PCID2: variants seen among roughly 807,000 people sequenced by gnomAD.
The protein encoded by PCID2 is PCI domain-containing protein 2.
In PCID2, 41 loss-of-function variants were observed where a neutral mutation model predicts 61.3. The ratio of observed to expected loss-of-function variants is 0.67; its 90% CI spans 0.52 to 0.87. The LOEUF (loss-of-function observed/expected upper bound fraction) is 0.87, where lower values mean the gene tolerates loss of function less well. PCID2 is among the 40% of genes least tolerant of loss of function. The pLI, the probability that PCID2 is intolerant of heterozygous loss-of-function variation, is 0.00. For synonymous variants in PCID2, 187 were observed against 177.8 expected, an observed-to-expected ratio of 1.05 and a Z score of -0.41; for missense variants, 392 against 493.4, an observed-to-expected ratio of 0.79 and a Z score of 1.95.
intron 2 of PCID2, among the ~76,000 whole-genome samples, chr13:113,198,647 G>A (rs2039197474): frequency 6.6e-6 from 1 of 152,236 alleles, no homozygotes; most frequent in Admixed American, 6.5e-5. Context: ...GGAGGTTGTA[G>A]TAAGCCAAGA....
At chr13:113,200,025 C>T (rs1341658445) in intron 2 of PCID2, among the ~76,000 whole-genome samples, 3 of 152,222 alleles carry the variant, frequency 2.0e-5, no homozygotes, top group Non-Finnish European at 4.4e-5. Flanking sequence ...GACATGGAAA[C>T]TCCATGTACA....
chr13:113,183,706 A>T, intron 9 of PCID2: 2 of 947,738 alleles, frequency 2.1e-6, no homozygotes, highest in Non-Finnish European at 2.5e-6. Context: ...AGCACAAGAG[A>T]AGAGATCACC....
Position 113,208,595 on chromosome 13 carries a change from C to A in PCID2, c.36+4G>T. On this transcript the variant is annotated splice_donor_region_variant and intron_variant, in intron 1 of 13. Transcript: ENST00000337344. ...CCGCCGCGCGCTCCCCGGCTAGGAC[C>A]CACCTGCTGCAGGTACTGGTTAATG... 6.2e-7 allele frequency: 1 copy of A among 1,605,794 alleles called. No homozygotes were observed. The highest frequency in any genetic ancestry group is 1.1e-5 in the South Asian group (1 of 90,178).
intron 7 of PCID2, chr13:113,187,018 C>T (rs762571969): frequency 1.3e-5 from 2 of 152,196 alleles, no homozygotes; most frequent in African/African-American, 4.8e-5. Flanking sequence ...TTTATAACTG[C>T]CTGTGAGCTG....
At chr13:113,167,181 A>C in the PCID2 span, among the ~76,000 whole-genome samples, 1 of 152,202 alleles carries the variant, frequency 6.6e-6, no homozygotes, top group African/African-American at 2.4e-5. Context: ...AGTATCACTA[A>C]AAGTCTGGCA....
intron 4 of PCID2, among the ~76,000 whole-genome samples, 171 bp from the exon 5 acceptor site, chr13:113,196,393 T>C (rs1032209305): frequency 2.0e-5 from 3 of 152,254 alleles, no homozygotes; most frequent in African/African-American, 7.2e-5. Context: ...ATTACAAATA[T>C]CTGTATCTCA....
intron 9 of PCID2, 42 bp from the exon 10 acceptor site, chr13:113,181,272 C>T (rs766352964): frequency 8.2e-7 from 1 of 1,220,620 alleles, no homozygotes; most frequent in Non-Finnish European, 1.2e-6. Flanking sequence ...ACCAACGCAC[C>T]TGCTTCAGGC....
At chr13:113,206,509 A>G (rs1190762626) in intron 1 of PCID2, among the ~76,000 whole-genome samples, 3 of 152,222 alleles carry the variant, frequency 2.0e-5, no homozygotes, top group African/African-American at 7.2e-5. Flanking sequence ...AGGAGGAGTC[A>G]ATGATTTCCC....
Position 113,179,436 on chromosome 13 carries a change from C to T in PCID2, c.987-347G>A, listed in dbSNP as rs552345283. ...TCCCTACTGTTTGTGACGTGCTACC[C>T]ACAGCTCTATACAAAGTTGGCCTTT... is the stretch of plus-strand genomic sequence containing the variant. On this transcript the variant is annotated intron_variant, in intron 12 of 13. Coordinates refer to ENST00000337344, the MANE Select transcript of PCID2 (RefSeq NM_001127202.4). This position sits in a 1 kb window ranked among gnomAD's most constrained non-coding sequence, Gnocchi z 4.3. 1.9e-3 allele frequency among the ~76,000 whole-genome samples: 286 copies of T among 152,232 alleles called. 1 individual carries two copies. The highest frequency in any genetic ancestry group is 3.2e-3 in the Non-Finnish European group (217 of 68,020).
downstream of PCID2, among the ~76,000 whole-genome samples, chr13:113,174,088 C>A (rs566991044): frequency 3.3e-5 from 5 of 151,052 alleles, no homozygotes; most frequent in East Asian, 1.9e-4. Context: ...AAAAAAAAAT[C>A]TTTGCCAAGC....
chr13:113,200,799 A>G, intron 1 of PCID2: 2 of 279,676 alleles, frequency 7.2e-6, no homozygotes, highest in Middle Eastern at 2.5e-3. Flanking sequence ...ATTTCAAAAT[A>G]GGTTGTTCCT....
chr13:113,185,358 A>G (rs2038015094), intron 8 of PCID2, 127 bp downstream of exon 8: 1 of 697,636 alleles, frequency 1.4e-6, no homozygotes, highest in Non-Finnish European at 2.6e-6. Flanking sequence ...TGCTATTAGG[A>G]CTAGGAATAC....
chr13:113,189,489 G>T (rs1030998441), intron 7 of PCID2, among the ~76,000 whole-genome samples: 2 of 151,902 alleles, frequency 1.3e-5, no homozygotes, highest in African/African-American at 4.8e-5. Context: ...ATAGTTTTTT[G>T]TTTATTTATA....
chr13:113,205,541 C>A (rs926799429), intron 1 of PCID2, among the ~76,000 whole-genome samples: 1 of 152,264 alleles, frequency 6.6e-6, no homozygotes, highest in East Asian at 1.9e-4. Context: ...ACAAAACCTG[C>A]GCAAGAATGT....
intron 4 of PCID2, 30 bp from the exon 5 acceptor site, chr13:113,196,252 A>C (rs780084243): frequency 6.6e-7 from 1 of 1,510,830 alleles, no homozygotes; most frequent in African/African-American, 1.4e-5. Context: ...ATGGCATACA[A>C]AGTTCAAATA....
Position 113,178,233 on chromosome 13 carries a change from G to T in PCID2, c.1165C>A (p.Gln389Lys). Residue 389 changes from glutamine (Q) to lysine (K), a missense_variant, in exon 14 of 14, where the codon CAG becomes AAG. Coordinates refer to ENST00000337344, the MANE Select transcript of PCID2 (RefSeq NM_001127202.4). ...HQHQKLVVSK[Q>K]NPFPPLSTVC ...GTGGACAGGGGAGGAAATGGGTTCT[G>T]CTTGCTGACCACCAGCTTCTGATGC... 1 of 1,613,808 alleles carries T rather than the reference G, an allele frequency of 6.2e-7. No homozygotes were observed. The highest frequency in any genetic ancestry group is 8.5e-7 in the Non-Finnish European group (1 of 1,179,756).
the PCID2 span, among the ~76,000 whole-genome samples, chr13:113,167,228 G>C: frequency 6.6e-6 from 1 of 152,160 alleles, no homozygotes; most frequent in African/African-American, 2.4e-5. Flanking sequence ...CTCGAACTTG[G>C]TTTTATCCCC....
intron 2 of PCID2, among the ~76,000 whole-genome samples, chr13:113,198,988 A>T (rs888869206): frequency 6.6e-6 from 1 of 152,244 alleles, no homozygotes; most frequent in African/African-American, 2.4e-5. Context: ...CACCAGTCTC[A>T]TCTCCTGGGC....
Position 113,196,232 on chromosome 13 carries a change from T to A in PCID2, c.267-10A>T. On this transcript the variant is annotated splice_polypyrimidine_tract_variant and intron_variant, in intron 4 of 13. Coordinates refer to ENST00000337344, the MANE Select transcript of PCID2 (RefSeq NM_001127202.4). ...TGCTCGCAAGAATGATGTACTGTAT[T>A]AAGGAAGATATGGCATACAAAGTTC... 6.3e-7 allele frequency: 1 copy of A among 1,583,180 alleles called. No individual in the cohort carries two copies. Among genetic ancestry groups the A allele is most frequent in the Non-Finnish European group, 8.6e-7 (1 of 1,156,870 alleles).
Sources: allele counts gnomAD v4.1 joint callset (sites outside exome capture counted in the v4.1 genomes callset), GRCh38; gene constraint gnomAD v4.1.1; non-coding constraint Gnocchi (gnomAD v3.1); transcripts MANE v1.5; gene names NCBI Gene and HGNC (gene_info 2026-07-23, HGNC 2026-07-21).